The following SEMA5A variants were observed in gnomAD, a reference collection of about 807,000 sequenced individuals.
The protein encoded by SEMA5A is semaphorin-5A.
Under a neutral mutation model 135.5 loss-of-function variants are expected in SEMA5A, and 55 were observed. The observed-to-expected ratio is 0.41, with a 90% CI of 0.33 to 0.51. SEMA5A has a LOEUF of 0.51. SEMA5A is among the 20% of genes least tolerant of loss of function. The probability of loss-of-function intolerance (pLI) is 0.37; values close to 1 mark genes in which losing one functional copy is unlikely to be tolerated. For missense variants in SEMA5A, 1,290 were observed against 1,419.9 expected, an observed-to-expected ratio of 0.91 and a Z score of 1.47; for synonymous variants, 580 against 546.5, an observed-to-expected ratio of 1.06 and a Z score of -0.85.
At position 9,323,484 on chromosome 5, in the gene SEMA5A, T is replaced by G. The variant is rs184592600; in HGVS notation, c.225-5067A>C. ...TTAATAAAATCAGTTGATGAAGCTT[T>G]CTTAAAAAAATTAAAACTCCACTTA... On this transcript the variant is annotated intron_variant, in intron 4 of 22. Transcript: ENST00000382496. 2.8e-3 allele frequency among the ~76,000 whole-genome samples: 421 copies of G among 152,206 alleles called. 1 individual carries two copies. The highest frequency in any genetic ancestry group is 9.6e-3 in the African/African-American group (399 of 41,536).
intron 3 of SEMA5A, among the ~76,000 whole-genome samples, chr5:9,349,356 T>C (rs1474238986): frequency 2.6e-5 from 4 of 152,178 alleles, no homozygotes; most frequent in Non-Finnish European, 5.9e-5. Flanking sequence ...ACCTGCTACA[T>C]AGAAGAACCA....
intron 8 of SEMA5A, among the ~76,000 whole-genome samples, chr5:9,221,693 T>C (rs1365546074): frequency 1.3e-5 from 2 of 151,982 alleles, no homozygotes; most frequent in African/African-American, 2.4e-5. Flanking sequence ...AAGGCAGAAA[T>C]ATTGTCCAAA....
intron 1 of SEMA5A, among the ~76,000 whole-genome samples, chr5:9,484,357 C>T (rs1759996063): frequency 6.6e-6 from 1 of 152,238 alleles, no homozygotes; most frequent in South Asian, 2.1e-4. Context: ...AAATTCCTTC[C>T]ATGATCTCTT....
intron 1 of SEMA5A, among the ~76,000 whole-genome samples, chr5:9,454,585 TGACTTTTA>T (rs1320214941): frequency 6.6e-6 from 1 of 152,224 alleles, no homozygotes; most frequent in African/African-American, 2.4e-5. Context: ...TTCAATTGAA[TGACTTTTA>T]GTACACTGAG....
chr5:9,287,558 T>C (rs544986547), intron 5 of SEMA5A, among the ~76,000 whole-genome samples: 1 of 152,320 alleles, frequency 6.6e-6, no homozygotes, highest in South Asian at 2.1e-4. Flanking sequence ...AAAATTATAT[T>C]CTTCTGAAAT....
intron 4 of SEMA5A, among the ~76,000 whole-genome samples, chr5:9,336,693 A>G (rs1180260459): frequency 6.6e-6 from 1 of 152,198 alleles, no homozygotes; most frequent in African/African-American, 2.4e-5. Flanking sequence ...GAGTGGATGT[A>G]CAAGGACACC....
At position 9,525,689 on chromosome 5, in the gene SEMA5A, C is replaced by T. The variant is rs566532014; in HGVS notation, c.-175+19895G>A. ...AAATGCCCCCATTTGGTTCCAGGTC[C>T]TGTCCCTGCTAAAATCCTCACATGA... is the stretch of plus-strand genomic sequence containing the variant. On this transcript the variant is annotated intron_variant, in intron 1 of 22. Coordinates refer to ENST00000382496, the MANE Select transcript of SEMA5A (RefSeq NM_003966.3). Among the ~76,000 whole-genome samples the T allele has an allele frequency of 9.8e-5, 15 of 152,336 alleles. No homozygotes were observed. In the South Asian group the frequency reaches 2.9e-3, roughly 29 times the overall value.
intron 11 of SEMA5A, 134 bp downstream of exon 11, chr5:9,190,133 C>T (rs557786089): frequency 3.6e-4 from 291 of 797,706 alleles, no homozygotes; most frequent in African/African-American, 3.5e-3. Flanking sequence ...AAGTGAGCAT[C>T]GCGGGTTTTG....
chr5:9,512,521 TTCTA>T (rs1479675550), intron 1 of SEMA5A, among the ~76,000 whole-genome samples: 1 of 152,294 alleles, frequency 6.6e-6, no homozygotes, highest in East Asian at 1.9e-4. Flanking sequence ...TTATTTTCCT[TTCTA>T]TCTTTTTTTT....
intron 1 of SEMA5A, among the ~76,000 whole-genome samples, chr5:9,536,557 G>C (rs375929659): frequency 3.3e-5 from 5 of 151,238 alleles, no homozygotes; most frequent in Admixed American, 3.3e-4. Context: ...AGGTTACAGT[G>C]AGCCGAGATC....
intron 11 of SEMA5A, among the ~76,000 whole-genome samples, chr5:9,174,336 C>A (rs1744092490): frequency 6.6e-6 from 1 of 152,208 alleles, no homozygotes; most frequent in Non-Finnish European, 1.5e-5. Context: ...CTACTCCCAA[C>A]CCTCTCTTAA....
At chr5:9,245,290 A>G (rs1022603228) in intron 5 of SEMA5A, among the ~76,000 whole-genome samples, 2 of 152,148 alleles carry the variant, frequency 1.3e-5, no homozygotes, top group Non-Finnish European at 2.9e-5. Context: ...TATCAGATCA[A>G]AAAAACATAG....
At chr5:9,061,080 ACCAAGGGGCTG>A (rs1737156766) in intron 18 of SEMA5A, among the ~76,000 whole-genome samples, 1 of 151,732 alleles carries the variant, frequency 6.6e-6, no homozygotes, top group African/African-American at 2.4e-5. Flanking sequence ...GGTGAAATCC[ACCAAGGGGCTG>A]GCTCCTTGGT....
At chr5:9,211,489 T>C (rs1037414916) in intron 8 of SEMA5A, among the ~76,000 whole-genome samples, 6 of 152,176 alleles carry the variant, frequency 3.9e-5, no homozygotes, top group African/African-American at 7.2e-5. Flanking sequence ...TGCAGACCAG[T>C]CACACCTCCA....
At chr5:9,410,083 T>C (rs1414536763) in intron 2 of SEMA5A, among the ~76,000 whole-genome samples, 1 of 152,164 alleles carries the variant, frequency 6.6e-6, no homozygotes, top group Non-Finnish European at 1.5e-5. Context: ...TTAGAGACAA[T>C]TAAAAGTTAA....
intron 8 of SEMA5A, among the ~76,000 whole-genome samples, chr5:9,221,442 A>G (rs1344368664): frequency 4.7e-5 from 7 of 150,456 alleles, no homozygotes; most frequent in South Asian, 2.1e-4. Flanking sequence ...AGCTGGGACT[A>G]CAGGCGCCCA....
At chr5:9,191,179 G>T (rs1225933882) in intron 10 of SEMA5A, among the ~76,000 whole-genome samples, 1 of 152,142 alleles carries the variant, frequency 6.6e-6, no homozygotes, top group Non-Finnish European at 1.5e-5. Flanking sequence ...GAGTAGAAAG[G>T]AATAAAGAAG....
intron 4 of SEMA5A, among the ~76,000 whole-genome samples, chr5:9,320,942 T>C (rs981136634): frequency 3.3e-5 from 5 of 152,110 alleles, no homozygotes; most frequent in Non-Finnish European, 7.4e-5. Flanking sequence ...GGCTTACCAG[T>C]GTGATATAGT....
intron 1 of SEMA5A, among the ~76,000 whole-genome samples, chr5:9,484,281 A>G (rs1469146205): frequency 6.6e-6 from 1 of 152,234 alleles, no homozygotes; most frequent in Non-Finnish European, 1.5e-5. Flanking sequence ...CATTTGACAA[A>G]TACATCAACA....
Sources: allele counts gnomAD v4.1 joint callset (sites outside exome capture counted in the v4.1 genomes callset), GRCh38; gene constraint gnomAD v4.1.1; transcripts MANE v1.5; gene names NCBI Gene and HGNC (gene_info 2026-07-23, HGNC 2026-07-21).